The following TSHZ2 variants were observed in gnomAD, a reference collection of about 807,000 sequenced individuals.
TSHZ2 encodes the protein teashirt homolog 2.
A neutral mutation model predicts 74.4 loss-of-function variants in TSHZ2; 21 were observed. The ratio of observed to expected loss-of-function variants is 0.28; its 90% CI spans 0.20 to 0.41. The LOEUF (loss-of-function observed/expected upper bound fraction) is 0.41. Among genes scored for constraint, TSHZ2 ranks in the 10% least tolerant of loss-of-function variants. The probability of loss-of-function intolerance (pLI) is 1.00; values close to 1 mark genes in which losing one functional copy is unlikely to be tolerated. For synonymous variants in TSHZ2, 540 were observed against 515.3 expected, an observed-to-expected ratio of 1.05 and a Z score of -0.65; for missense variants, 1,244 against 1,293.5, an observed-to-expected ratio of 0.96 and a Z score of 0.59.
In TSHZ2 at chr20:53,253,850, A is replaced by G; in HGVS notation, c.392A>G (p.Asn131Ser). The G allele has an allele frequency of 6.2e-7, 1 of 1,614,226 alleles. No individual in the cohort carries two copies. The highest frequency in any genetic ancestry group is 8.5e-7 in the Non-Finnish European group (1 of 1,180,044). ...CMDKMTAVYA[N>S]ILSDSYWSGL... is the part of the protein sequence containing the mutation. ...GATAAAATGACCGCTGTCTACGCCA[A>G]CATCCTGTCGGATTCCTACTGGTCA... is the stretch of plus-strand genomic sequence containing the variant. Residue 131 changes from asparagine to serine, a missense_variant, in exon 2 of 3, where the codon AAC (asparagine) becomes AGC (serine). Asn to Ser is a conservative substitution (Grantham distance 46). Coordinates refer to ENST00000371497, the MANE Select transcript of TSHZ2 (RefSeq NM_173485.6).
Position 53,321,683 on chromosome 20 carries a change from CA to C in TSHZ2, c.*8+65129del, listed in dbSNP as rs59907513. Among the ~76,000 whole-genome samples, 54 of 58,300 alleles carry C rather than the reference CA, an allele frequency of 9.3e-4. 2 individuals are homozygous for C. Among genetic ancestry groups the C allele is most frequent in the African/African-American group, 1.7e-3 (21 of 12,002 alleles). 38.2% of individuals were successfully genotyped at this position (58,300 alleles called of 152,430 possible). On this transcript the variant is annotated intron_variant, in intron 2 of 2. Transcript: ENST00000371497. The stretch of plus-strand genomic sequence containing the variant: ...TGGGCAACAGGGCGAGACTCCATCT[CA>C]AAAAAAAAAAAAAAAAGAAAGACAT...
chr20:53,268,705 CACCTGTTG>C (rs1453345919), intron 2 of TSHZ2, among the ~76,000 whole-genome samples: 2 of 152,212 alleles, frequency 1.3e-5, no homozygotes. Context: ...CCAGGTTGCT[CACCTGTTG>C]ACTGGAACAA....
intron 2 of TSHZ2, among the ~76,000 whole-genome samples, chr20:53,449,173 C>T (rs1263043981): frequency 6.6e-6 from 1 of 152,124 alleles, no homozygotes; most frequent in African/African-American, 2.4e-5. Context: ...ACTCTTAACC[C>T]CTGGAAGGTA....
chr20:52,995,502 G>A (rs1162421326), intron 1 of TSHZ2, among the ~76,000 whole-genome samples: 1 of 152,162 alleles, frequency 6.6e-6, no homozygotes, highest in East Asian at 1.9e-4. Context: ...AATGCATGCA[G>A]AGCCAGCAGA....
chr20:53,157,751 G>A (rs1385421168), intron 1 of TSHZ2, among the ~76,000 whole-genome samples: 1 of 152,138 alleles, frequency 6.6e-6, no homozygotes, highest in African/African-American at 2.4e-5. Flanking sequence ...TTTAGAGAGA[G>A]GGAGAGATGA....
At chr20:52,989,210 GT>G (rs35834574) in intron 1 of TSHZ2, among the ~76,000 whole-genome samples, 49 of 143,190 alleles carry the variant, frequency 3.4e-4, no homozygotes, top group East Asian at 6.0e-4. Context: ...TATTGGTGAT[GT>G]TTTTTTTTAA....
intron 1 of TSHZ2, among the ~76,000 whole-genome samples, chr20:53,148,894 T>C (rs1287905204): frequency 6.6e-6 from 1 of 152,144 alleles, no homozygotes; most frequent in Admixed American, 6.5e-5. Flanking sequence ...TTTCAGAGGC[T>C]CCAGAAAGAG....
At chr20:53,424,559 C>CT (rs11392358) in intron 2 of TSHZ2, among the ~76,000 whole-genome samples, 24,530 of 150,154 alleles carry the variant, frequency 0.16, 2,384 homozygotes, top group Non-Finnish European at 0.24. Flanking sequence ...TGACCAACCT[C>CT]TTTTTTTTTT....
At chr20:53,072,012 A>G (rs1985189745) in intron 1 of TSHZ2, among the ~76,000 whole-genome samples, 1 of 152,190 alleles carries the variant, frequency 6.6e-6, no homozygotes, top group South Asian at 2.1e-4. Context: ...GGTAGAGACC[A>G]GAGATGCTGC....
At chr20:53,194,418 A>G (rs866727422) in intron 1 of TSHZ2, among the ~76,000 whole-genome samples, 1 of 152,172 alleles carries the variant, frequency 6.6e-6, no homozygotes, top group African/African-American at 2.4e-5. Context: ...GTGAATGTCA[A>G]TGCCACTGCG....
intron 2 of TSHZ2, among the ~76,000 whole-genome samples, chr20:53,414,634 G>A (rs1461691916): frequency 1.3e-5 from 2 of 151,908 alleles, no homozygotes; most frequent in Admixed American, 1.3e-4. Context: ...CTTCAGCCTG[G>A]GCAATAGAGC....
intron 2 of TSHZ2, among the ~76,000 whole-genome samples, chr20:53,383,262 CA>C (rs11475983): frequency 0.22 from 29,460 of 133,732 alleles, 3,170 homozygotes; most frequent in South Asian, 0.39. Context: ...AACTCTGTCT[CA>C]AAAAAAAAAA....
At chr20:53,413,061 A>G (rs115788877) in intron 2 of TSHZ2, among the ~76,000 whole-genome samples, 3,074 of 152,226 alleles carry the variant, frequency 0.02, 92 homozygotes, top group African/African-American at 0.064. Flanking sequence ...GGAACCCCCA[A>G]TAGGGGAGAG....
chr20:53,246,863 G>C (rs117178359), intron 1 of TSHZ2, among the ~76,000 whole-genome samples: 1 of 152,174 alleles, frequency 6.6e-6, no homozygotes, highest in African/African-American at 2.4e-5. Context: ...AGCAACAAGC[G>C]TACATTAAGT....
chr20:53,301,386 C>A (rs976270904), intron 2 of TSHZ2, among the ~76,000 whole-genome samples: 1 of 152,192 alleles, frequency 6.6e-6, no homozygotes, highest in Non-Finnish European at 1.5e-5. Flanking sequence ...GACTGTGTGA[C>A]CTCAGACAGG....
intron 2 of TSHZ2, among the ~76,000 whole-genome samples, chr20:53,281,742 A>C (rs1286882727): frequency 6.6e-6 from 1 of 152,204 alleles, no homozygotes; most frequent in Non-Finnish European, 1.5e-5. Flanking sequence ...GGGAAGCAGG[A>C]CAGGGAAGGA....
At chr20:53,216,912 G>T (rs1373235752) in intron 1 of TSHZ2, among the ~76,000 whole-genome samples, 1 of 152,100 alleles carries the variant, frequency 6.6e-6, no homozygotes, top group Non-Finnish European at 1.5e-5. Context: ...TCACTTCACC[G>T]CCCGGAGAAT....
At chr20:53,085,388 G>GAGAA (rs755135341) in intron 1 of TSHZ2, among the ~76,000 whole-genome samples, 1 of 152,012 alleles carries the variant, frequency 6.6e-6, no homozygotes, top group African/African-American at 2.4e-5. Context: ...GAGAGAGAGA[G>GAGAA]AGAAAGAAAG....
chr20:53,349,235 G>T (rs1980551738), intron 2 of TSHZ2, among the ~76,000 whole-genome samples: 1 of 152,216 alleles, frequency 6.6e-6, no homozygotes, highest in Non-Finnish European at 1.5e-5. Flanking sequence ...ACCTCAAAGA[G>T]TTCTCTTGAG....
Sources: allele counts gnomAD v4.1 joint callset (sites outside exome capture counted in the v4.1 genomes callset), GRCh38; gene constraint gnomAD v4.1.1; transcripts MANE v1.5; gene names NCBI Gene and HGNC (gene_info 2026-07-23, HGNC 2026-07-21).